CCDC152: variants seen among roughly 807,000 people sequenced by gnomAD.
CCDC152 encodes the protein coiled-coil domain containing 152.
A neutral mutation model predicts 38.1 loss-of-function variants in CCDC152; 37 were observed. The ratio of observed to expected loss-of-function variants is 0.97; its 90% confidence interval spans 0.75 to 1.28. The LOEUF (loss-of-function observed/expected upper bound fraction) is 1.28, where lower values mean the gene tolerates loss of function less well. Ranked by LOEUF, CCDC152 falls within the 50% of genes most tolerant of loss-of-function variation. The pLI is 0.00. For missense variants in CCDC152, 259 were observed against 292.1 expected (o/e 0.89, Z 0.83); for synonymous variants, 83 against 87.1 (o/e 0.95, Z 0.26).
chr5:42,760,291 G>GAGACTCC (rs1348855782), intron 2 of CCDC152, among the ~76,000 whole-genome samples: 4 of 124,320 alleles, frequency 3.2e-5, no homozygotes, highest in Non-Finnish European at 6.6e-5. Context: ...GCGACAGAGC[G>GAGACTCC]AGACTCCGTC....
chr5:42,796,771 A>G (rs909853004), intron 6 of CCDC152, 58 bp from the exon 7 acceptor site: 2 of 1,136,646 alleles, frequency 1.8e-6, no homozygotes, highest in Admixed American at 7.2e-5. Context: ...AGAAATACAA[A>G]CTTATAATAA....
intron 4 of CCDC152, among the ~76,000 whole-genome samples, chr5:42,770,664 T>TTCTG (rs1406722159): frequency 5.9e-5 from 9 of 152,192 alleles, no homozygotes; most frequent in African/African-American, 2.2e-4. Context: ...TTTTGTCTAC[T>TTCTG]TCTGTAAAGA....
intron 6 of CCDC152, among the ~76,000 whole-genome samples, chr5:42,789,299 C>T (rs988776960): frequency 1.3e-5 from 2 of 152,194 alleles, no homozygotes; most frequent in Non-Finnish European, 2.9e-5. Flanking sequence ...TCTGACAGGT[C>T]CTGGCTCTCT....
chr5:42,791,726 C>A (rs1321432128), intron 6 of CCDC152, among the ~76,000 whole-genome samples: 2 of 152,152 alleles, frequency 1.3e-5, no homozygotes, highest in Non-Finnish European at 2.9e-5. Flanking sequence ...GCATTTGCCC[C>A]ATCTCCTAGG....
intron 3 of CCDC152, among the ~76,000 whole-genome samples, chr5:42,764,671 A>C (rs772467957): frequency 2.0e-5 from 3 of 152,236 alleles, no homozygotes; most frequent in Non-Finnish European, 4.4e-5. Context: ...GAAGGCTAAA[A>C]ATTATATGAC....
At chr5:42,794,268 A>T (rs1425543200) in intron 6 of CCDC152, among the ~76,000 whole-genome samples, 1 of 152,226 alleles carries the variant, frequency 6.6e-6, no homozygotes, top group African/African-American at 2.4e-5. Flanking sequence ...ACTGAGAACA[A>T]ACTGGAATTT....
intron 4 of CCDC152, among the ~76,000 whole-genome samples, chr5:42,779,232 A>G (rs1335855573): frequency 6.6e-6 from 1 of 152,192 alleles, no homozygotes; most frequent in Non-Finnish European, 1.5e-5. Context: ...ATAGCATATT[A>G]TAACTACTAA....
chr5:42,769,687 A>G lies in CCDC152; in HGVS notation c.262+22A>G. 2.0e-6 allele frequency: 3 copies of G among 1,464,762 alleles called. No individual in the cohort carries two copies. The East Asian group carries it at 7.9e-5, about 39-fold the overall frequency. The allele number at this position is 1,464,762 out of a possible 1,614,324, so 90.7% of individuals were successfully genotyped here. ...AAAGGTAAGTTAGAAAAAAAAGTAA[A>G]ATCTAAAAAAGCATTGTGTATTTGA... On this transcript the variant is annotated intron_variant, in intron 4 of 8. Transcript: ENST00000361970.
chr5:42,779,390 T>C, intron 4 of CCDC152, 68 bp from the exon 5 acceptor site: 1 of 935,250 alleles, frequency 1.1e-6, no homozygotes, highest in Non-Finnish European at 1.7e-6. Flanking sequence ...AGCTAAAATG[T>C]TGAACATATT....
chr5:42,761,441 C>T (rs1759551894), intron 2 of CCDC152, among the ~76,000 whole-genome samples: 3 of 151,890 alleles, frequency 2.0e-5, no homozygotes, highest in African/African-American at 7.3e-5. Context: ...ATGGTGAAAC[C>T]CTGTCTCTGC....
chr5:42,784,835 A>G (rs1490775872), intron 6 of CCDC152, among the ~76,000 whole-genome samples: 3 of 152,126 alleles, frequency 2.0e-5, no homozygotes, highest in Non-Finnish European at 4.4e-5. Context: ...CAGTTTTCCC[A>G]GCACTGTTTG....
intron 2 of CCDC152, among the ~76,000 whole-genome samples, chr5:42,761,065 A>G (rs568792420): frequency 5.3e-5 from 8 of 152,344 alleles, no homozygotes; most frequent in African/African-American, 1.2e-4. Context: ...TTTGAGATCA[A>G]TTCAAAAGTG....
In CCDC152 at chr5:42,779,511, T is replaced by C; in HGVS notation, c.316T>C (p.Ser106Pro). ...TGATCTTATAAAAGAGAAGTTAAAG[T>C]CTCATGAACAGGTGAGTTTATGTAT... Reference protein sequence around the residue: ...SADLIKEKLKSHEQEYKNNIA... With the variant: ...SADLIKEKLKPHEQEYKNNIA... Residue 106 changes from serine to proline, a missense_variant, in exon 5 of 9, where the codon TCT becomes CCT. Transcript: ENST00000361970. The C allele has an allele frequency of 6.6e-7, 1 of 1,509,376 alleles. No individual in the cohort carries two copies. The highest frequency in any genetic ancestry group is 9.0e-7 in the Non-Finnish European group (1 of 1,109,008). The allele number at this position is 1,509,376 out of a possible 1,614,324, so 93.5% of individuals were successfully genotyped here. A position where few individuals can be genotyped will look rare whatever the true frequency, so the allele number is the denominator to read the frequency against.
intron 3 of CCDC152, among the ~76,000 whole-genome samples, chr5:42,766,010 C>T (rs1016559130): frequency 2.0e-5 from 3 of 152,000 alleles, no homozygotes; most frequent in Non-Finnish European, 4.4e-5. Context: ...TGCAAACTAC[C>T]CCTCTGACAA....
intron 5 of CCDC152, among the ~76,000 whole-genome samples, chr5:42,780,950 T>C (rs992169922): frequency 3.9e-5 from 6 of 152,176 alleles, no homozygotes; most frequent in African/African-American, 1.4e-4. Flanking sequence ...AATGAAAAGA[T>C]TACATTTTTT....
chr5:42,798,621 C>G (rs182310777), intron 7 of CCDC152, among the ~76,000 whole-genome samples: 2 of 152,282 alleles, frequency 1.3e-5, no homozygotes, highest in Admixed American at 1.3e-4. Context: ...TATCACTGGT[C>G]TATTATTTGA....
At chr5:42,785,985 G>A (rs1238877113) in intron 6 of CCDC152, among the ~76,000 whole-genome samples, 3 of 152,040 alleles carry the variant, frequency 2.0e-5, no homozygotes, top group African/African-American at 4.8e-5. Context: ...GTTTGATCCT[G>A]ATGAATTATC....
chr5:42,785,350 T>G (rs943162008), intron 6 of CCDC152, among the ~76,000 whole-genome samples: 1 of 152,122 alleles, frequency 6.6e-6, no homozygotes, highest in African/African-American at 2.4e-5. Context: ...ATTTTGTGTG[T>G]GTATGGTAAT....
At chr5:42,787,386 C>A (rs975489444) in intron 6 of CCDC152, among the ~76,000 whole-genome samples, 13 of 151,792 alleles carry the variant, frequency 8.6e-5, no homozygotes, top group African/African-American at 1.7e-4. Context: ...CTTTTATATC[C>A]TGAATCATTT....
Sources: allele counts gnomAD v4.1 joint callset (sites outside exome capture counted in the v4.1 genomes callset), GRCh38; gene constraint gnomAD v4.1.1; transcripts MANE v1.5; gene names NCBI Gene and HGNC (gene_info 2026-07-23, HGNC 2026-07-21).